Variants in GATAD2A observed in about 807,000 individuals in gnomAD.
The protein encoded by GATAD2A is GATA zinc finger domain containing 2A, also known as transcriptional repressor p66-alpha.
Under a neutral mutation model 68.5 loss-of-function variants are expected in GATAD2A, and 12 were observed. That is an observed-to-expected ratio of 0.18 (90% CI 0.11 to 0.28). The LOEUF (loss-of-function observed/expected upper bound fraction) is 0.28, where lower values mean the gene tolerates loss of function less well. GATAD2A is among the 10% of genes least tolerant of loss of function. The pLI is 1.00. For missense variants in GATAD2A, 755 were observed against 868.5 expected (o/e 0.87, Z 1.64); for synonymous variants, 410 against 375.3 (o/e 1.09, Z -1.07).
intron 1 of GATAD2A, among the ~76,000 whole-genome samples, chr19:19,410,839 A>C (rs985038585): frequency 5.3e-5 from 8 of 151,762 alleles, no homozygotes; most frequent in African/African-American, 1.9e-4. Context: ...GTTGAACATC[A>C]CCCCTGTTTC....
chr19:19,471,742 A>G (rs995465220), intron 2 of GATAD2A, among the ~76,000 whole-genome samples: 2 of 152,258 alleles, frequency 1.3e-5, no homozygotes, highest in African/African-American at 4.8e-5. Context: ...TGTGGCATCC[A>G]TAAATGTGCA....
At chr19:19,397,385 G>A (rs758264922) in intron 1 of GATAD2A, among the ~76,000 whole-genome samples, 11 of 152,022 alleles carry the variant, frequency 7.2e-5, no homozygotes, top group African/African-American at 2.2e-4. Flanking sequence ...AATGTGTAAT[G>A]AGGCTAATTA....
At chr19:19,403,761 T>C (rs1245032426), upstream of GATAD2A, among the ~76,000 whole-genome samples, 1 of 152,210 alleles carries the variant, frequency 6.6e-6, no homozygotes, top group African/African-American at 2.4e-5. Context: ...TGCTTTAATA[T>C]ACATCATCTG....
At chr19:19,471,358 T>G (rs767767856) in intron 2 of GATAD2A, among the ~76,000 whole-genome samples, 3 of 152,140 alleles carry the variant, frequency 2.0e-5, no homozygotes, top group Admixed American at 6.5e-5. Context: ...ACTACTCATG[T>G]GTGCCATAAC....
In GATAD2A at chr19:19,507,700, C is replaced by G. The variant is rs1439219693; in HGVS notation, c.*2226C>G. The G allele has an allele frequency of 6.6e-6, 1 of 152,242 alleles. No homozygotes were observed. The highest frequency in any genetic ancestry group is 2.4e-5 in the African/African-American group (1 of 41,452). 9.4% of individuals were successfully genotyped at this position (152,242 alleles called of 1,614,324 possible). ...CCCCTCGAAAGGGAGAGGGTCGGCC[C>G]CATGTCCCCAGGGAGCATTCCATCA... On this transcript the variant is annotated 3_prime_UTR_variant, in exon 12 of 12. Transcript: ENST00000683918.
chr19:19,408,128 T>C (rs1302783550), intron 1 of GATAD2A, among the ~76,000 whole-genome samples: 1 of 152,124 alleles, frequency 6.6e-6, no homozygotes, highest in African/African-American at 2.4e-5. Flanking sequence ...GCCTCCCGAG[T>C]AGTTGGGACT....
In GATAD2A at chr19:19,494,372, C is replaced by G; in HGVS notation, c.613C>G (p.Pro205Ala). 6.2e-7 allele frequency: 1 copy of G among 1,604,364 alleles called. No individual in the cohort carries two copies. Among genetic ancestry groups the G allele is most frequent in the South Asian group, 1.1e-5 (1 of 90,884 alleles). ...RGTQNIPAGKPSLQTSSARMP... is the reference protein window; with the variant it reads ...RGTQNIPAGKASLQTSSARMP... ...CACTCAGAACATTCCTGCTGGCAAG[C>G]CATCACTCCAGGTCAGTGTCCTTTC... The change falls in exon 5 of 12, where the codon CCA (proline) becomes GCA (alanine). Residue 205 changes from proline to alanine, a missense_variant. Coordinates refer to ENST00000683918, the MANE Select transcript of GATAD2A (RefSeq NM_001384528.1).
chr19:19,403,896 C>G (rs145173419), upstream of GATAD2A, among the ~76,000 whole-genome samples: 2 of 152,136 alleles, frequency 1.3e-5, no homozygotes, highest in Admixed American at 6.5e-5. Context: ...ATTCCTATAC[C>G]GAGTCACCTG....
chr19:19,405,238 T>G (rs2050079656), upstream of GATAD2A, among the ~76,000 whole-genome samples: 1 of 151,976 alleles, frequency 6.6e-6, no homozygotes, highest in Admixed American at 6.5e-5. Context: ...CACCCCGCCC[T>G]CCCCACAGAC....
Position 19,501,951 on chromosome 19 carries a change from C to A in GATAD2A, c.1504-18C>A. On this transcript the variant is annotated intron_variant, in intron 9 of 11. Coordinates refer to ENST00000683918, the MANE Select transcript of GATAD2A (RefSeq NM_001384528.1). ...CAGCGGACCGCACTGACTTTGCTTT[C>A]AACCCCCGTTTGTGTAGGTCATAAA... 1.2e-6 allele frequency: 2 copies of A among 1,610,986 alleles called. No individual in the cohort carries two copies. The highest frequency in any genetic ancestry group is 1.7e-6 in the Non-Finnish European group (2 of 1,177,182).
chr19:19,457,632 T>C (rs2057054434), intron 1 of GATAD2A, among the ~76,000 whole-genome samples: 2 of 150,494 alleles, frequency 1.3e-5, no homozygotes, highest in African/African-American at 4.9e-5. Context: ...TCCCAGCTGC[T>C]GGGGAGGCTG....
Position 19,465,589 on chromosome 19 carries a change from C to T in GATAD2A, c.244C>T (p.Pro82Ser). 2 of 1,612,178 alleles carry T rather than the reference C, an allele frequency of 1.2e-6. No homozygotes were observed. Among genetic ancestry groups the T allele is most frequent in the Non-Finnish European group, 1.7e-6 (2 of 1,179,152 alleles). ...AGGCGAAGGGCTGGTGGGCGATGGGCCCGTGGACATGCGCACCTCACACAG... is the reference window on the plus strand; with the variant it reads ...AGGCGAAGGGCTGGTGGGCGATGGGTCCGTGGACATGCGCACCTCACACAG... ...GRGEGLVGDG[P>S]VDMRTSHSDM... The change falls in exon 2 of 12, where the codon CCC becomes TCC. Residue 82 changes from proline to serine, a missense_variant. Physicochemically the swap from Pro to Ser is moderately conservative, Grantham distance 74. Transcript: ENST00000683918.
chr19:19,461,955 T>G (rs2057467580), intron 1 of GATAD2A, among the ~76,000 whole-genome samples: 1 of 152,028 alleles, frequency 6.6e-6, no homozygotes, highest in African/African-American at 2.4e-5. Flanking sequence ...CTACTCTCCA[T>G]GCACTGGCAG....
chr19:19,482,449 A>G (rs187831070), intron 2 of GATAD2A, among the ~76,000 whole-genome samples: 75 of 152,272 alleles, frequency 4.9e-4, no homozygotes, highest in Admixed American at 2.6e-3. Context: ...TGCCAGTCAC[A>G]TGGGGCCTAT....
chr19:19,490,726 C>CA lies in GATAD2A; in HGVS notation c.270-1570dup, dbSNP rs952616496. Among the ~76,000 whole-genome samples, 474 of 149,148 alleles carry CA rather than the reference C, an allele frequency of 3.2e-3. 4 individuals are homozygous for CA. Among genetic ancestry groups the CA allele is most frequent in the African/African-American group, 9.7e-3 (394 of 40,710 alleles). On this transcript the variant is annotated intron_variant, in intron 2 of 11. Transcript: ENST00000683918. ...GTGAAACCCTGTCTGTACAAAAATA[C>CA]AAAAAAAAAATTAGCCCGGCATGAT...
intron 2 of GATAD2A, among the ~76,000 whole-genome samples, chr19:19,490,405 T>C (rs1277905132): frequency 6.6e-6 from 1 of 152,160 alleles, no homozygotes; most frequent in East Asian, 1.9e-4. Flanking sequence ...TCCCGAGGGC[T>C]GCTAGAGCAG....
chr19:19,449,791 G>A (rs904581705), intron 1 of GATAD2A, among the ~76,000 whole-genome samples: 1 of 152,092 alleles, frequency 6.6e-6, no homozygotes, highest in Non-Finnish European at 1.5e-5. Context: ...GTGAGATCCT[G>A]TCTAAAAAAC....
At chr19:19,429,195 G>A (rs1188973696) in intron 1 of GATAD2A, 1 of 985,128 alleles carries the variant, frequency 1.0e-6, no homozygotes, top group Non-Finnish European at 1.2e-6. Context: ...TGGGATGCTC[G>A]ATTTCAAGTA....
intron 2 of GATAD2A, among the ~76,000 whole-genome samples, chr19:19,487,593 G>T (rs1478918698): frequency 1.3e-5 from 2 of 151,790 alleles, no homozygotes; most frequent in Non-Finnish European, 2.9e-5. Flanking sequence ...GCTCAGACCT[G>T]CACTCCCCCG....
Sources: allele counts gnomAD v4.1 joint callset (sites outside exome capture counted in the v4.1 genomes callset), GRCh38; gene constraint gnomAD v4.1.1; transcripts MANE v1.5; gene names NCBI Gene and HGNC (gene_info 2026-07-23, HGNC 2026-07-21).